Variants in CCNY observed in about 807,000 individuals in gnomAD.
The protein encoded by CCNY is cyclin-Y.
CCNY carries 19 observed loss-of-function variants against 42.8 expected under a neutral mutation model. The ratio of observed to expected loss-of-function variants is 0.44; its 90% CI spans 0.31 to 0.65. CCNY has a LOEUF of 0.65. Among genes scored for constraint, CCNY ranks in the 30% least tolerant of loss-of-function variants. CCNY has a pLI of 0.07. For synonymous variants in CCNY, 165 were observed against 162.7 expected, an observed-to-expected ratio of 1.01 and a Z score of -0.11; for missense variants, 370 against 437.3, an observed-to-expected ratio of 0.85 and a Z score of 1.37.
chr10:35,466,371 T>A (rs1462198306), intron 1 of CCNY, among the ~76,000 whole-genome samples: 2 of 152,032 alleles, frequency 1.3e-5, no homozygotes, highest in African/African-American at 4.8e-5. Context: ...AAGAAGATTG[T>A]GTGGTGGCAA....
chr10:35,338,686 A>G (rs1178122690), intron 1 of CCNY, among the ~76,000 whole-genome samples: 2 of 152,186 alleles, frequency 1.3e-5, no homozygotes, highest in Admixed American at 1.3e-4. Context: ...CCAGTCCTAT[A>G]CTATGTTGAC....
chr10:35,436,541 T>C (rs1768296290), intron 1 of CCNY, among the ~76,000 whole-genome samples: 1 of 152,126 alleles, frequency 6.6e-6, no homozygotes, highest in Admixed American at 6.5e-5. Flanking sequence ...GGGGTCATGA[T>C]GTTTCTGGGG....
Position 35,569,257 on chromosome 10 carries a change from T to G in CCNY, c.*87T>G, listed in dbSNP as rs919743834. The G allele has an allele frequency of 4.6e-6, 4 of 861,758 alleles. No homozygotes were observed. The highest frequency in any genetic ancestry group is 7.7e-6 in the Non-Finnish European group (4 of 520,178). The allele number at this position is 861,758 out of a possible 1,614,324, so 53.4% of individuals were successfully genotyped here. A position where few individuals can be genotyped will look rare whatever the true frequency, so the allele number is the denominator to read the frequency against. On this transcript the variant is annotated 3_prime_UTR_variant, in exon 10 of 10. Coordinates refer to ENST00000374704, the MANE Select transcript of CCNY (RefSeq NM_145012.6). ...AGACTTGGGGTGGGTTTGTTTTTGT[T>G]TTTTCTTTCCTTTTCTTTTTTTACG...
In CCNY at chr10:35,279,497, C is replaced by T. The variant is rs180703223; in HGVS notation, c.-9+28871C>T. On this transcript the variant is annotated intron_variant, in intron 3 of 11. Transcript: ENST00000374706. ...CACTCCCATCTGCTCTGTTTTCCCT[C>T]ATGGAACAGTGTGCAGAGGGTCAGA... is the stretch of plus-strand genomic sequence containing the variant. Among the ~76,000 whole-genome samples the T allele has an allele frequency of 4.6e-5, 7 of 152,284 alleles. No homozygotes were observed. The East Asian group carries it at 1.3e-3, about 29-fold the overall frequency.
intron 1 of CCNY, among the ~76,000 whole-genome samples, chr10:35,345,982 C>T (rs541595894): frequency 7.9e-5 from 12 of 152,286 alleles, no homozygotes; most frequent in Non-Finnish European, 1.3e-4. Flanking sequence ...CTAACTGTGT[C>T]CCCGGAACCA....
At chr10:35,484,752 T>C (rs1839748526) in intron 2 of CCNY, among the ~76,000 whole-genome samples, 1 of 152,188 alleles carries the variant, frequency 6.6e-6, no homozygotes, top group African/African-American at 2.4e-5. Context: ...AACATAGTAC[T>C]ATAAAAACAA....
rs35490407 is a variant in CCNY, at chr10:35,267,311, GAAAAA to G, written c.-9+16696_-9+16700del. 3.7e-3 allele frequency among the ~76,000 whole-genome samples: 485 copies of G among 132,410 alleles called. 2 individuals are homozygous for G. The highest frequency in any genetic ancestry group is 0.013 in the African/African-American group (451 of 35,508). 86.9% of individuals were successfully genotyped at this position (132,410 alleles called of 152,430 possible). On this transcript the variant is annotated intron_variant, in intron 3 of 11. Transcript: ENST00000374706. Reference sequence around the variant, plus strand: ...CAACAGAGAGAGATCCCATCACTTAGAAAAAAAAAAAAAAAGAGGATAATTCCAGC... The same window carrying G: ...CAACAGAGAGAGATCCCATCACTTAGAAAAAAAAAAGAGGATAATTCCAGC...
chr10:35,477,281 A>G (rs1025091868), intron 1 of CCNY, among the ~76,000 whole-genome samples: 5 of 152,070 alleles, frequency 3.3e-5, no homozygotes, highest in African/African-American at 1.2e-4. Context: ...TCCCTAACTC[A>G]TTTTATGAGG....
chr10:35,249,022 A>G (rs2095710050), intron 2 of CCNY, among the ~76,000 whole-genome samples: 1 of 152,120 alleles, frequency 6.6e-6, no homozygotes, highest in Non-Finnish European at 1.5e-5. Flanking sequence ...ATCTAGGCTC[A>G]CTGCAACCTC....
At chr10:35,501,224 T>C (rs183663969) in intron 2 of CCNY, among the ~76,000 whole-genome samples, 73 of 152,346 alleles carry the variant, frequency 4.8e-4, no homozygotes, top group African/African-American at 1.7e-3. Context: ...ACTTTTTTAT[T>C]CAGTTAATGG....
rs112960260 is a variant in CCNY at position 35,425,467 on chromosome 10, A to G, written c.155-57937A>G. ...TGCAAAGGTAGGGATTCATCATAGC[A>G]TTGTTTATTATAACTCCGTAATAGA... On this transcript the variant is annotated intron_variant, in intron 1 of 9. Coordinates refer to ENST00000374704, the MANE Select transcript of CCNY (RefSeq NM_145012.6). Among the ~76,000 whole-genome samples, 198 of 152,342 alleles carry G rather than the reference A, an allele frequency of 1.3e-3. 1 individual carries two copies. Among genetic ancestry groups the G allele is most frequent in the African/African-American group, 4.4e-3 (184 of 41,576 alleles).
At chr10:35,271,661 C>T (rs2086153) in intron 3 of CCNY, among the ~76,000 whole-genome samples, 36,790 of 152,118 alleles carry the variant, frequency 0.24, 4,831 homozygotes, top group East Asian at 0.34. Context: ...TGCACCTCCA[C>T]CATCTGTCTT....
intron 2 of CCNY, among the ~76,000 whole-genome samples, chr10:35,486,454 G>C (rs890119115): frequency 3.9e-5 from 6 of 152,116 alleles, no homozygotes; most frequent in Non-Finnish European, 7.3e-5. Flanking sequence ...TGCAGTTGCT[G>C]CCACCTTAGT....
Position 35,363,748 on chromosome 10 carries a change from A to G in CCNY, c.154+26541A>G, listed in dbSNP as rs140866661. Among the ~76,000 whole-genome samples, 3 of 152,260 alleles carry G rather than the reference A, an allele frequency of 2.0e-5. No individual in the cohort carries two copies. In the East Asian group the frequency reaches 5.8e-4, roughly 29 times the overall value. On this transcript the variant is annotated intron_variant, in intron 1 of 9. Transcript: ENST00000374704. ...TTAAAAGTTTTCGTATTCCCTGCCTACCTGGCACTGAGTAGGTATGAAATC... is the reference window on the plus strand; with the variant it reads ...TTAAAAGTTTTCGTATTCCCTGCCTGCCTGGCACTGAGTAGGTATGAAATC...
chr10:35,471,880 C>T (rs758650401), intron 1 of CCNY, among the ~76,000 whole-genome samples: 2 of 152,160 alleles, frequency 1.3e-5, no homozygotes, highest in Non-Finnish European at 2.9e-5. Flanking sequence ...GCATTACTTC[C>T]TCAGGTTAAT....
chr10:35,554,819 G>C (rs769838487), intron 8 of CCNY, among the ~76,000 whole-genome samples: 1 of 152,142 alleles, frequency 6.6e-6, no homozygotes, highest in East Asian at 1.9e-4. Context: ...GGAAGTGAGA[G>C]ACAAATGCAA....
At chr10:35,437,631 T>C (rs756093354) in intron 1 of CCNY, among the ~76,000 whole-genome samples, 1 of 151,852 alleles carries the variant, frequency 6.6e-6, no homozygotes, top group African/African-American at 2.4e-5. Context: ...TCCAGCACTC[T>C]AGCCTGGGCG....
chr10:35,489,001 C>T lies in CCNY; in HGVS notation c.229+5523C>T, dbSNP rs184461896. On this transcript the variant is annotated intron_variant, in intron 2 of 9. Coordinates refer to ENST00000374704, the MANE Select transcript of CCNY (RefSeq NM_145012.6). ...TTTTCTATAAAAATATGACCTAGGC[C>T]GGGCACGGTGGCTCACGCCTGTAAT... Among the ~76,000 whole-genome samples the T allele has an allele frequency of 7.0e-3, 1,067 of 152,144 alleles. 11 individuals carry two copies. Among genetic ancestry groups the T allele is most frequent in the African/African-American group, 0.024 (1,014 of 41,484 alleles).
chr10:35,445,640 A>G (rs916508389), intron 1 of CCNY, among the ~76,000 whole-genome samples: 1 of 152,132 alleles, frequency 6.6e-6, no homozygotes, highest in Non-Finnish European at 1.5e-5. Context: ...GTGAGAGACT[A>G]CTTTTCCTAG....
Sources: allele counts gnomAD v4.1 joint callset (sites outside exome capture counted in the v4.1 genomes callset), GRCh38; gene constraint gnomAD v4.1.1; transcripts MANE v1.5; gene names NCBI Gene and HGNC (gene_info 2026-07-23, HGNC 2026-07-21).